The following TRDN variants were observed in gnomAD, a reference collection of about 807,000 sequenced individuals.
TRDN encodes triadin in skeletal muscle.
A neutral mutation model predicts 149.7 loss-of-function variants in TRDN; 161 were observed. That is an observed-to-expected ratio of 1.08 (90% CI 0.95 to 1.23). The LOEUF (loss-of-function observed/expected upper bound fraction) is 1.23. Ranked by LOEUF, TRDN falls within the 50% of genes most tolerant of loss-of-function variation. The probability of loss-of-function intolerance (pLI) is 0.00; values close to 1 mark genes in which losing one functional copy is unlikely to be tolerated. For synonymous variants in TRDN, 294 were observed against 250.5 expected, an observed-to-expected ratio of 1.17 and a Z score of -1.64; for missense variants, 896 against 823.5, an observed-to-expected ratio of 1.09 and a Z score of -1.08.
chr6:123,443,198 A>G (rs1392835036), intron 10 of TRDN, among the ~76,000 whole-genome samples: 1 of 150,332 alleles, frequency 6.7e-6, no homozygotes, highest in East Asian at 1.9e-4. Context: ...GAGGCTTAAA[A>G]TGAATATGTA....
chr6:123,426,400 C>T (rs1241325511), intron 12 of TRDN, among the ~76,000 whole-genome samples: 2 of 152,198 alleles, frequency 1.3e-5, no homozygotes, highest in East Asian at 3.9e-4. Flanking sequence ...CAAAAGCTAA[C>T]TTAGGATTGA....
At chr6:123,300,883 G>A (rs1778373030) in intron 24 of TRDN, among the ~76,000 whole-genome samples, 1 of 151,148 alleles carries the variant, frequency 6.6e-6, no homozygotes, top group South Asian at 2.1e-4. Context: ...TTACCATTAT[G>A]TCCATGAAGT....
At position 123,619,385 on chromosome 6, in the gene TRDN, GA is replaced by G. The variant is rs1209231312; in HGVS notation, c.22+17368del. Among the ~76,000 whole-genome samples, 9 of 152,234 alleles carry G rather than the reference GA, an allele frequency of 5.9e-5. No homozygotes were observed. In the South Asian group the frequency reaches 1.9e-3, roughly 32 times the overall value. ...GAAAGTTGGTGCTGGCTGTTGGCTG[GA>G]AGCTTGGCTGGGTTTGCAGGTCAAG... is the stretch of plus-strand genomic sequence containing the variant. On this transcript the variant is annotated intron_variant, in intron 1 of 40. Transcript: ENST00000334268.
intron 24 of TRDN, among the ~76,000 whole-genome samples, chr6:123,287,344 A>C (rs1777837222): frequency 6.6e-6 from 1 of 152,142 alleles, no homozygotes; most frequent in Non-Finnish European, 1.5e-5. Flanking sequence ...TAGTAAGCCC[A>C]AGAGTAGATT....
intron 1 of TRDN, among the ~76,000 whole-genome samples, chr6:123,597,929 G>GT (rs1784112595): frequency 6.6e-6 from 1 of 152,022 alleles, no homozygotes; most frequent in African/African-American, 2.4e-5. Flanking sequence ...TAAATCTGAA[G>GT]TATCTTCAAG....
At chr6:123,618,895 T>G (rs1785237378) in intron 1 of TRDN, among the ~76,000 whole-genome samples, 1 of 152,174 alleles carries the variant, frequency 6.6e-6, no homozygotes, top group Non-Finnish European at 1.5e-5. Context: ...TTTATGAATT[T>G]CTCTCCAGTA....
At chr6:123,356,289 T>C (rs1053323888) in intron 20 of TRDN, among the ~76,000 whole-genome samples, 1 of 151,478 alleles carries the variant, frequency 6.6e-6, no homozygotes, top group East Asian at 1.9e-4. Flanking sequence ...AGTAAGTTTC[T>C]ATTCTTGTGA....
intron 14 of TRDN, among the ~76,000 whole-genome samples, chr6:123,384,776 C>T (rs903742118): frequency 5.3e-5 from 8 of 152,036 alleles, no homozygotes; most frequent in African/African-American, 1.7e-4. Context: ...GTCAATAGTG[C>T]AACAGAAATG....
At chr6:123,226,628 G>A (rs1775380970) in intron 38 of TRDN, among the ~76,000 whole-genome samples, 1 of 151,732 alleles carries the variant, frequency 6.6e-6, no homozygotes, top group Non-Finnish European at 1.5e-5. Context: ...GGCAAACCTA[G>A]GACAGTTGCT....
rs113294838 is a variant in TRDN, at chr6:123,524,969, T to C, written c.484+5537A>G. Among the ~76,000 whole-genome samples, 660 of 152,210 alleles carry C rather than the reference T, an allele frequency of 4.3e-3. 2 individuals carry two copies. The highest frequency in any genetic ancestry group is 0.015 in the African/African-American group (606 of 41,552). On this transcript the variant is annotated intron_variant, in intron 5 of 40. Transcript: ENST00000334268. ...AACATGAAAAATTGCTTAACATCAG[T>C]AACCATCAGAGAAATGCAACTCACA... is the stretch of plus-strand genomic sequence containing the variant.
chr6:123,498,069 T>TC (rs1201949898), intron 8 of TRDN: 1 of 155,726 alleles, frequency 6.4e-6, no homozygotes, highest in Non-Finnish European at 1.4e-5. Flanking sequence ...TCAATCCAAC[T>TC]CAAAGCTCAA....
chr6:123,269,515 A>G (rs1003425271), intron 31 of TRDN, among the ~76,000 whole-genome samples: 1 of 151,990 alleles, frequency 6.6e-6, no homozygotes, highest in African/African-American at 2.4e-5. Context: ...TTTATAGCCT[A>G]TATGGATTCC....
At chr6:123,274,146 G>C (rs1777295364) in intron 27 of TRDN, among the ~76,000 whole-genome samples, 2 of 152,104 alleles carry the variant, frequency 1.3e-5, no homozygotes, top group African/African-American at 4.8e-5. Context: ...TGGCCATGCT[G>C]TCTGTTTCTC....
At chr6:123,373,057 T>C (rs1246541617) in intron 19 of TRDN, among the ~76,000 whole-genome samples, 2 of 152,164 alleles carry the variant, frequency 1.3e-5, no homozygotes, top group Non-Finnish European at 2.9e-5. Flanking sequence ...TGCTCTTCTT[T>C]AGCATCGCAC....
At chr6:123,271,110 T>C (rs1777191909) in intron 30 of TRDN, 29 bp downstream of exon 30, 1 of 1,424,078 alleles carries the variant, frequency 7.0e-7, no homozygotes, top group Non-Finnish European at 9.5e-7. Flanking sequence ...TAATGAGACA[T>C]AGAAAAAAAT....
At chr6:123,229,949 C>T (rs1237877623) in intron 38 of TRDN, among the ~76,000 whole-genome samples, 3 of 151,898 alleles carry the variant, frequency 2.0e-5, no homozygotes, top group Non-Finnish European at 4.4e-5. Context: ...TTCTCTAGAG[C>T]GGTGGCTTTC....
At chr6:123,266,070 C>T (rs1226948253) in intron 32 of TRDN, among the ~76,000 whole-genome samples, 2 of 133,110 alleles carry the variant, frequency 1.5e-5, no homozygotes, top group African/African-American at 2.8e-5. Context: ...TTTGTAGATA[C>T]ATTTTGTGTT....
intron 38 of TRDN, among the ~76,000 whole-genome samples, chr6:123,249,121 A>C (rs917566985): frequency 6.6e-6 from 1 of 152,154 alleles, no homozygotes; most frequent in African/African-American, 2.4e-5. Flanking sequence ...AACCCATTTG[A>C]AAAGTGGGCA....
chr6:123,220,561 A>G (rs1775110361), intron 40 of TRDN, among the ~76,000 whole-genome samples: 1 of 151,796 alleles, frequency 6.6e-6, no homozygotes, highest in Non-Finnish European at 1.5e-5. Flanking sequence ...ACCTTATTAT[A>G]TGAAGGATTA....
Sources: allele counts gnomAD v4.1 joint callset (sites outside exome capture counted in the v4.1 genomes callset), GRCh38; gene constraint gnomAD v4.1.1; transcripts MANE v1.5; gene names NCBI Gene and HGNC (gene_info 2026-07-23, HGNC 2026-07-21).